SNTA1: variants seen among roughly 807,000 people sequenced by gnomAD.
The protein encoded by SNTA1 is syntrophin alpha 1, also known as alpha-1-syntrophin.
A neutral mutation model predicts 47.1 loss-of-function variants in SNTA1; 31 were observed. The ratio of observed to expected loss-of-function variants is 0.66; its 90% CI spans 0.49 to 0.89. The LOEUF (loss-of-function observed/expected upper bound fraction) is 0.89. Ranked by LOEUF, SNTA1 falls within the 40% of genes least tolerant of loss-of-function variation. The pLI is 0.00. For missense variants in SNTA1, 575 were observed against 693.0 expected, an observed-to-expected ratio of 0.83 and a Z score of 1.91; for synonymous variants, 300 against 313.6, an observed-to-expected ratio of 0.96 and a Z score of 0.46.
chr20:33,412,665 C>T lies in SNTA1; in HGVS notation c.819G>A (p.Pro273=), dbSNP rs761959794. 1.4e-5 allele frequency: 23 copies of T among 1,613,794 alleles called. No individual in the cohort carries two copies. The highest frequency in any genetic ancestry group is 1.1e-4 in the East Asian group (5 of 44,888). ...AIQAQVNTLT[P]RVKDELQALL... ...GTGCCTGCAGCTCATCCTTGACCCG[C>T]GGCGTCAGAGTATTGACCTGGGCTT... Residue 273 remains proline (P), a synonymous_variant, in exon 4 of 8, where the codon CCG becomes CCA. Transcript: ENST00000217381.
chr20:33,425,010 G>C (rs1990131703), intron 2 of SNTA1, among the ~76,000 whole-genome samples: 1 of 151,968 alleles, frequency 6.6e-6, no homozygotes, highest in Admixed American at 6.6e-5. Context: ...CAGCCACTCG[G>C]GAGGCTGAGG....
Position 33,410,284 on chromosome 20 carries a change from T to G in SNTA1, c.1088A>C (p.Glu363Ala), listed in dbSNP as rs147964932. ...PSKGSVPYDA[E>A]LSFALRTGTR... Reference sequence around the variant, plus strand: ...GCCCGTGCGCAGGGCAAAAGAGAGCTCTGCATCGTAGGGCACTGAGCCCTT... The same window carrying G: ...GCCCGTGCGCAGGGCAAAAGAGAGCGCTGCATCGTAGGGCACTGAGCCCTT... The change falls in exon 6 of 8, where the codon GAG (glutamate) becomes GCG (alanine). Residue 363 changes from glutamate (E) to alanine (A), a missense_variant. Coordinates refer to ENST00000217381, the MANE Select transcript of SNTA1 (RefSeq NM_003098.3). 2.8e-4 allele frequency: 458 copies of G among 1,611,690 alleles called. 1 individual carries two copies. Among genetic ancestry groups the G allele is most frequent in the South Asian group, 1.7e-3 (156 of 90,806 alleles).
chr20:33,430,906 G>A (rs1354988348), intron 2 of SNTA1, among the ~76,000 whole-genome samples: 2 of 151,090 alleles, frequency 1.3e-5, no homozygotes, highest in African/African-American at 2.4e-5. Context: ...CCGAGATCGT[G>A]CCACTGTACT....
chr20:33,425,481 C>T (rs915146066), intron 2 of SNTA1, among the ~76,000 whole-genome samples: 3 of 151,582 alleles, frequency 2.0e-5, no homozygotes, highest in Non-Finnish European at 4.4e-5. Flanking sequence ...GGCAACATAG[C>T]GAAACCCCAT....
chr20:33,429,441 C>A (rs1340833098), intron 2 of SNTA1, among the ~76,000 whole-genome samples: 1 of 149,036 alleles, frequency 6.7e-6, no homozygotes, highest in African/African-American at 2.5e-5. Context: ...CACCTGAGGC[C>A]AGGAGTGGCG....
At chr20:33,424,175 G>A (rs1238958388) in intron 2 of SNTA1, among the ~76,000 whole-genome samples, 13 of 150,384 alleles carry the variant, frequency 8.6e-5, no homozygotes, top group Non-Finnish European at 1.8e-4. Flanking sequence ...TTAGCTGGAT[G>A]TGGTTGCGCA....
chr20:33,416,394 T>C (rs1445682447), intron 3 of SNTA1, among the ~76,000 whole-genome samples: 1 of 152,222 alleles, frequency 6.6e-6, no homozygotes, highest in Non-Finnish European at 1.5e-5. Flanking sequence ...GCCACCACCA[T>C]CACTCAGGTA....
Position 33,438,906 on chromosome 20 carries a change from G to A in SNTA1, c.431C>T (p.Ser144Phe), listed in dbSNP as rs764612744. 6.2e-7 allele frequency: 1 copy of A among 1,614,098 alleles called. No homozygotes were observed. The highest frequency in any genetic ancestry group is 8.5e-7 in the Non-Finnish European group (1 of 1,179,970). Reference sequence around the variant, plus strand: ...CACCGCCTCATCATGGGTAGCAGAGGACAAGTCTTCCCCATTCACAGACAG... The same window carrying A: ...CACCGCCTCATCATGGGTAGCAGAGAACAAGTCTTCCCCATTCACAGACAG... ...AILSVNGEDL[S>F]SATHDEAVQV... Residue 144 changes from serine (S) to phenylalanine (F), a missense_variant, in exon 2 of 8, where the codon TCC becomes TTC. Ser to Phe is a radical substitution (Grantham distance 155, BLOSUM62 -2). Transcript: ENST00000217381.
chr20:33,432,601 C>T (rs570424041), intron 2 of SNTA1, among the ~76,000 whole-genome samples: 80 of 152,148 alleles, frequency 5.3e-4, no homozygotes, highest in Non-Finnish European at 9.7e-4. Context: ...CAGGATCAGG[C>T]GCAGTGGCTC....
chr20:33,419,006 C>T (rs1304054008), intron 2 of SNTA1, among the ~76,000 whole-genome samples: 2 of 150,420 alleles, frequency 1.3e-5, no homozygotes, highest in East Asian at 2.0e-4. Flanking sequence ...CCCAGCTACT[C>T]GAGAGGCTGA....
chr20:33,408,485 G>C lies in SNTA1; in HGVS notation c.*22C>G, dbSNP rs1247502762. ...GCCATGTCATGGACACCCCTCTTCA[G>C]GGCTAGTGCATCCGGCGACTTCTAG... On this transcript the variant is annotated 3_prime_UTR_variant, in exon 8 of 8. Transcript: ENST00000217381. The C allele has an allele frequency of 6.4e-7, 1 of 1,565,336 alleles. No homozygotes were observed. Among genetic ancestry groups the C allele is most frequent in the Admixed American group, 1.7e-5 (1 of 59,918 alleles).
chr20:33,413,962 G>T (rs946899493), intron 3 of SNTA1, among the ~76,000 whole-genome samples: 3 of 151,600 alleles, frequency 2.0e-5, no homozygotes, highest in African/African-American at 7.3e-5. Flanking sequence ...AAACAGACAG[G>T]GTGTGATGGC....
At chr20:33,428,539 TTATCTC>T (rs1332856158) in intron 2 of SNTA1, among the ~76,000 whole-genome samples, 1 of 152,174 alleles carries the variant, frequency 6.6e-6, no homozygotes, top group Non-Finnish European at 1.5e-5. Context: ...TCAACACTGG[TTATCTC>T]TATAAGATGA....
At position 33,408,815 on chromosome 20, in the gene SNTA1, C is replaced by T; in HGVS notation, c.1311G>A (p.Glu437=). 6.2e-7 allele frequency: 1 copy of T among 1,614,202 alleles called. No homozygotes were observed. The highest frequency in any genetic ancestry group is 8.5e-7 in the Non-Finnish European group (1 of 1,180,032). ...IDKGFTLWAA[E]PGAARAVLLR... ...GGAGCACAGCTCGGGCTGCACCTGGCTCAGCCGCCCACAGTGTGAAGCCCT... is the reference window on the plus strand; with the variant it reads ...GGAGCACAGCTCGGGCTGCACCTGGTTCAGCCGCCCACAGTGTGAAGCCCT... Residue 437 remains glutamate, a synonymous_variant, in exon 7 of 8, where the codon GAG becomes GAA. Coordinates refer to ENST00000217381, the MANE Select transcript of SNTA1 (RefSeq NM_003098.3).
At chr20:33,437,352 C>T (rs1341751217) in intron 2 of SNTA1, among the ~76,000 whole-genome samples, 1 of 148,126 alleles carries the variant, frequency 6.8e-6, no homozygotes, top group Non-Finnish European at 1.5e-5. Context: ...GTTTGAGCCC[C>T]GGGGGGTGGA....
At chr20:33,415,389 G>A (rs974136207) in intron 3 of SNTA1, among the ~76,000 whole-genome samples, 2 of 152,192 alleles carry the variant, frequency 1.3e-5, no homozygotes, top group African/African-American at 4.8e-5. Context: ...GGGCATGGTG[G>A]CTCACCCCTG....
chr20:33,425,008 C>T (rs1458838051), intron 2 of SNTA1, among the ~76,000 whole-genome samples: 10 of 151,584 alleles, frequency 6.6e-5, no homozygotes, highest in African/African-American at 2.2e-4. Flanking sequence ...CCCAGCCACT[C>T]GGGAGGCTGA....
In SNTA1 at chr20:33,408,501, C is replaced by T. The variant is rs565582070; in HGVS notation, c.*6G>A. 3.2e-5 allele frequency: 52 copies of T among 1,606,922 alleles called. No homozygotes were observed. In the East Asian group the frequency reaches 7.6e-4, roughly 23 times the overall value. On this transcript the variant is annotated 3_prime_UTR_variant, in exon 8 of 8. Transcript: ENST00000217381. ...CCCTCTTCAGGGCTAGTGCATCCGG[C>T]GACTTCTAGGCCAACAGCCCGAGGC...
intron 3 of SNTA1, among the ~76,000 whole-genome samples, 188 bp downstream of exon 3, chr20:33,417,531 G>A (rs950217889): frequency 6.6e-6 from 1 of 152,224 alleles, no homozygotes; most frequent in Non-Finnish European, 1.5e-5. Context: ...AGAGGAAGAA[G>A]TGAGAAGCAA....
Sources: gnomAD v4.1 joint callset for allele counts (sites outside exome capture counted in the v4.1 genomes callset) on GRCh38, gnomAD v4.1.1 for gene constraint, MANE v1.5 for transcripts, NCBI Gene and HGNC (gene_info 2026-07-23, HGNC 2026-07-21) for gene names.